TTC7B: variants seen among roughly 807,000 people sequenced by gnomAD.
The protein encoded by TTC7B is tetratricopeptide repeat domain 7B, also known as tetratricopeptide repeat protein 7B.
In TTC7B, 28 loss-of-function variants were observed where a neutral mutation model predicts 106.8. The observed-to-expected ratio is 0.26, with a 90% confidence interval of 0.19 to 0.36. The LOEUF (loss-of-function observed/expected upper bound fraction) is 0.36. TTC7B is among the 10% of genes least tolerant of loss of function. TTC7B has a pLI of 1.00. For missense variants in TTC7B, 862 were observed against 1,076.4 expected (o/e 0.80, Z 2.79); for synonymous variants, 405 against 430.6 (o/e 0.94, Z 0.74).
At chr14:90,602,292 G>C (rs1892457188) in intron 17 of TTC7B, 1 of 450,838 alleles carries the variant, frequency 2.2e-6, no homozygotes, top group Non-Finnish European at 4.5e-6. Context: ...TGTGAACTAT[G>C]AAGCACTAGG....
intron 9 of TTC7B, among the ~76,000 whole-genome samples, chr14:90,660,542 T>A (rs1213382126): frequency 6.6e-6 from 1 of 151,902 alleles, no homozygotes; most frequent in Non-Finnish European, 1.5e-5. Flanking sequence ...CAGAGACTGG[T>A]GCAACCACGC....
chr14:90,557,564 C>T (rs1358349414), intron 19 of TTC7B, among the ~76,000 whole-genome samples: 2 of 152,232 alleles, frequency 1.3e-5, no homozygotes, highest in African/African-American at 2.4e-5. Flanking sequence ...GCCAACGCAG[C>T]CAGGGAGGGC....
At chr14:90,721,700 G>A (rs988329948) in intron 5 of TTC7B, among the ~76,000 whole-genome samples, 5 of 152,166 alleles carry the variant, frequency 3.3e-5, no homozygotes, top group Non-Finnish European at 5.9e-5. Context: ...TGGAAGACAG[G>A]AGCAAGAGGA....
chr14:90,711,848 A>G (rs767979508), intron 5 of TTC7B, among the ~76,000 whole-genome samples: 1 of 152,258 alleles, frequency 6.6e-6, no homozygotes, highest in African/African-American at 2.4e-5. Context: ...GAATCAAAAA[A>G]GACATAAGAC....
chr14:90,633,638 T>C lies in TTC7B; in HGVS notation c.1751+10410A>G, dbSNP rs569075517. On this transcript the variant is annotated intron_variant, in intron 15 of 19. Transcript: ENST00000328459. Reference sequence around the variant, plus strand: ...AAAGCTCTCGACCAACAGTGCCTCATTGCCATTGGGAGAGACAATTATGTA... The same window carrying C: ...AAAGCTCTCGACCAACAGTGCCTCACTGCCATTGGGAGAGACAATTATGTA... 1.4e-4 allele frequency among the ~76,000 whole-genome samples: 22 copies of C among 152,350 alleles called. No homozygotes were observed. In the Middle Eastern group the frequency reaches 0.01, roughly 71 times the overall value.
At position 90,530,127 on chromosome 14, in the gene TTC7B, GC is replaced by G. The variant is rs1889248377; in HGVS notation, c.*11240del. The G allele has an allele frequency of 6.6e-6, 1 of 152,198 alleles. No homozygotes were observed. Among genetic ancestry groups the G allele is most frequent in the Non-Finnish European group, 1.5e-5 (1 of 68,056 alleles). The allele number at this position is 152,198 out of a possible 1,614,324, so 9.4% of individuals were successfully genotyped here. On this transcript the variant is annotated 3_prime_UTR_variant, in exon 20 of 20. Coordinates refer to ENST00000328459, the MANE Select transcript of TTC7B (RefSeq NM_001010854.2). ...ACTAAAAATGCAAAAAATTAGCCAG[GC>G]GTGGTGGCACGTGCCTGTAATCCTA... is the stretch of plus-strand genomic sequence containing the variant.
intron 8 of TTC7B, chr14:90,677,699 A>G: frequency 2.7e-6 from 1 of 365,020 alleles, no homozygotes; most frequent in Non-Finnish European, 5.4e-6. Flanking sequence ...GCTGACGTTG[A>G]TCTTCCCCCT....
chr14:90,708,036 C>T (rs548361293), intron 5 of TTC7B, among the ~76,000 whole-genome samples: 90 of 151,240 alleles, frequency 6.0e-4, no homozygotes, highest in Admixed American at 5.7e-3. Context: ...ATCCCAGCTA[C>T]TCCAGAGGCT....
intron 17 of TTC7B, among the ~76,000 whole-genome samples, chr14:90,605,079 G>T (rs931978032): frequency 6.6e-6 from 1 of 152,100 alleles, no homozygotes; most frequent in African/African-American, 2.4e-5. Context: ...TATAAAGTTG[G>T]GGGTGGGGAC....
At chr14:90,701,289 C>A (rs769430644) in intron 5 of TTC7B, among the ~76,000 whole-genome samples, 5 of 152,150 alleles carry the variant, frequency 3.3e-5, no homozygotes, top group African/African-American at 4.8e-5. Flanking sequence ...TTCCTCGTGA[C>A]AAAAGCAGAG....
Position 90,652,721 on chromosome 14 carries a change from G to A in TTC7B, c.1517+120C>T, listed in dbSNP as rs1164045015. ...GTGCTGTGTGTTCGGTGCTCAGGAC[G>A]AAAGACTCTCAGGGGTAAAACACTG... On this transcript the variant is annotated intron_variant, in intron 13 of 19. Transcript: ENST00000328459. The A allele has an allele frequency of 1.7e-5, 20 of 1,151,222 alleles. No individual in the cohort carries two copies. The South Asian group carries it at 1.9e-4, about 11-fold the overall frequency. 71.3% of individuals were successfully genotyped at this position (1,151,222 alleles called of 1,614,324 possible). A position where few individuals can be genotyped will look rare whatever the true frequency, so the allele number is the denominator to read the frequency against.
At chr14:90,564,298 T>C (rs1890699552) in intron 19 of TTC7B, among the ~76,000 whole-genome samples, 1 of 152,194 alleles carries the variant, frequency 6.6e-6, no homozygotes, top group Non-Finnish European at 1.5e-5. Flanking sequence ...GGAATCTTTT[T>C]CTCTGAATAA....
chr14:90,793,545 T>C (rs1891660071), intron 1 of TTC7B, among the ~76,000 whole-genome samples: 1 of 149,844 alleles, frequency 6.7e-6, no homozygotes, highest in African/African-American at 2.4e-5. Context: ...AAAAAGAATC[T>C]CTTTCCTTTA....
chr14:90,747,811 T>C (rs1332037340), intron 3 of TTC7B, among the ~76,000 whole-genome samples: 1 of 152,242 alleles, frequency 6.6e-6, no homozygotes, highest in African/African-American at 2.4e-5. Flanking sequence ...AACTCTGTTA[T>C]TAAGATCATA....
At position 90,610,900 on chromosome 14, in the gene TTC7B, G is replaced by T. The variant is rs1178139247; in HGVS notation, c.1869-61C>A. On this transcript the variant is annotated intron_variant, in intron 16 of 19. Coordinates refer to ENST00000328459, the MANE Select transcript of TTC7B (RefSeq NM_001010854.2). The stretch of plus-strand genomic sequence containing the variant: ...AGGTGGGAGGAGGGAAGGAAAGAGA[G>T]GCAACCAATACTGACTCCTGAAGGC... 4.4e-6 allele frequency: 5 copies of T among 1,146,200 alleles called. No homozygotes were observed. The African/African-American group carries it at 6.1e-5, about 14-fold the overall frequency. The allele number at this position is 1,146,200 out of a possible 1,614,324, so 71.0% of individuals were successfully genotyped here.
intron 5 of TTC7B, among the ~76,000 whole-genome samples, chr14:90,704,304 A>G (rs2139958628): frequency 6.6e-6 from 1 of 152,366 alleles, no homozygotes; most frequent in East Asian, 1.9e-4. Flanking sequence ...AATAGAAAAC[A>G]GTGCAGAATC....
intron 15 of TTC7B, among the ~76,000 whole-genome samples, chr14:90,643,580 TG>T (rs1431588087): frequency 1.3e-5 from 2 of 152,070 alleles, no homozygotes; most frequent in African/African-American, 4.8e-5. Flanking sequence ...TTTGTTTGTT[TG>T]TTTGTTTGTT....
At chr14:90,756,926 C>A (rs890698932) in intron 3 of TTC7B, among the ~76,000 whole-genome samples, 3 of 152,136 alleles carry the variant, frequency 2.0e-5, no homozygotes, top group Non-Finnish European at 1.5e-5. Context: ...AGGGTTCTTA[C>A]TCTTCTTACA....
chr14:90,714,073 C>CA (rs1394842425), intron 5 of TTC7B, among the ~76,000 whole-genome samples: 2 of 151,992 alleles, frequency 1.3e-5, no homozygotes, highest in Admixed American at 6.6e-5. Context: ...ATTAAAAACA[C>CA]AAAAAAATTA....
Sources: allele counts gnomAD v4.1 joint callset (sites outside exome capture counted in the v4.1 genomes callset), GRCh38; gene constraint gnomAD v4.1.1; transcripts MANE v1.5; gene names NCBI Gene and HGNC (gene_info 2026-07-23, HGNC 2026-07-21).